Variants in PREX2 observed in about 807,000 individuals in gnomAD.
The protein encoded by PREX2 is phosphatidylinositol 3,4,5-trisphosphate-dependent Rac exchanger 2 protein.
In PREX2, 107 loss-of-function variants were observed where a neutral mutation model predicts 203.2. The ratio of observed to expected loss-of-function variants is 0.53; its 90% confidence interval spans 0.45 to 0.62. The LOEUF is 0.62. Ranked by LOEUF, PREX2 falls within the 20% of genes least tolerant of loss-of-function variation. The pLI, the probability that PREX2 is intolerant of heterozygous loss-of-function variation, is 0.00. For synonymous variants in PREX2, 672 were observed against 663.6 expected, an observed-to-expected ratio of 1.01 and a Z score of -0.19; for missense variants, 1,777 against 1,955.9, an observed-to-expected ratio of 0.91 and a Z score of 1.72.
chr8:67,953,297 T>C (rs1805409140), intron 1 of PREX2, among the ~76,000 whole-genome samples: 1 of 151,350 alleles, frequency 6.6e-6, no homozygotes, highest in African/African-American at 2.4e-5. Flanking sequence ...TGTACTTATA[T>C]TCCACGTTTC....
At chr8:68,093,326 GT>G (rs1192600503) in intron 20 of PREX2, among the ~76,000 whole-genome samples, 1 of 146,198 alleles carries the variant, frequency 6.8e-6, no homozygotes, top group Admixed American at 7.1e-5. Context: ...GGAGGCGGAG[GT>G]TTTGGTGAGT....
In PREX2 at chr8:68,138,171, C is replaced by T. The variant is rs1188386472; in HGVS notation, c.3985-244C>T. 3.3e-5 allele frequency among the ~76,000 whole-genome samples: 5 copies of T among 152,152 alleles called. No individual in the cohort carries two copies. The East Asian group carries it at 7.7e-4, about 23-fold the overall frequency. On this transcript the variant is annotated intron_variant, in intron 32 of 39. Transcript: ENST00000288368. ...AATAGACTGAAAAATGTGTGTATAA[C>T]ATAACCATTTAAACAATAGAGAAAA...
chr8:68,214,249 A>G (rs760205792), intron 37 of PREX2, among the ~76,000 whole-genome samples: 35 of 152,214 alleles, frequency 2.3e-4, no homozygotes, highest in Non-Finnish European at 1.2e-4. Flanking sequence ...AAAATACAAA[A>G]GTTGGCTGCA....
chr8:67,980,138 C>T (rs907925437), intron 1 of PREX2, among the ~76,000 whole-genome samples: 2 of 152,164 alleles, frequency 1.3e-5, no homozygotes, highest in East Asian at 3.8e-4. Flanking sequence ...TACAAAGGCA[C>T]AGAGCTGAGA....
chr8:68,159,354 A>G lies in PREX2; in HGVS notation c.4346+1918A>G, dbSNP rs112931131. Among the ~76,000 whole-genome samples, 150 of 152,328 alleles carry G rather than the reference A, an allele frequency of 9.8e-4. 2 individuals carry two copies. The highest frequency in any genetic ancestry group is 3.3e-3 in the African/African-American group (136 of 41,592). On this transcript the variant is annotated intron_variant, in intron 35 of 39. Transcript: ENST00000288368. ...GTTTTAGTGTTATGATGCTTTGCCT[A>G]CTTATTTGCATAAAGTGCAAGAAGA...
intron 12 of PREX2, among the ~76,000 whole-genome samples, chr8:68,069,389 C>G (rs943702464): frequency 2.0e-5 from 3 of 150,698 alleles, no homozygotes; most frequent in African/African-American, 7.3e-5. Flanking sequence ...CATGGAAAAC[C>G]CTTTTACATG....
chr8:68,230,381 A>T (rs561297907), intron 39 of PREX2, among the ~76,000 whole-genome samples: 1 of 152,206 alleles, frequency 6.6e-6, no homozygotes. Flanking sequence ...TTTTGACATC[A>T]TTAGTCCAAG....
intron 28 of PREX2, 124 bp from the exon 29 acceptor site, chr8:68,120,072 A>C (rs1264175706): frequency 3.5e-6 from 2 of 574,026 alleles, no homozygotes; most frequent in Non-Finnish European, 6.1e-6. Flanking sequence ...TCGATTTCAC[A>C]AGCATCATGG....
intron 38 of PREX2, chr8:68,220,388 C>G (rs550741977): frequency 6.6e-6 from 1 of 152,276 alleles, no homozygotes; most frequent in African/African-American, 2.4e-5. Flanking sequence ...TTAAAGTTTT[C>G]TATGCCATAA....
chr8:68,162,578 T>C (rs895239335), intron 35 of PREX2, among the ~76,000 whole-genome samples: 4 of 152,160 alleles, frequency 2.6e-5, no homozygotes, highest in African/African-American at 9.6e-5. Context: ...AATATTTACA[T>C]GGCATCCAAA....
chr8:68,077,030 G>A (rs997846492), intron 14 of PREX2, among the ~76,000 whole-genome samples: 2 of 152,122 alleles, frequency 1.3e-5, no homozygotes, highest in Non-Finnish European at 2.9e-5. Flanking sequence ...TTTAATTAGA[G>A]TGTTGTCAAT....
chr8:68,151,470 A>T (rs1017469337), intron 34 of PREX2, among the ~76,000 whole-genome samples: 2 of 152,240 alleles, frequency 1.3e-5, no homozygotes, highest in African/African-American at 4.8e-5. Context: ...AGGGGTTAGG[A>T]CTTTGTCATC....
At chr8:67,969,930 C>T (rs967101949) in intron 1 of PREX2, among the ~76,000 whole-genome samples, 9 of 152,214 alleles carry the variant, frequency 5.9e-5, no homozygotes, top group Admixed American at 1.3e-4. Context: ...TTATGCCCAT[C>T]ATCTGAGTCT....
intron 6 of PREX2, among the ~76,000 whole-genome samples, chr8:68,034,482 T>C (rs371015578): frequency 2.6e-5 from 4 of 152,256 alleles, no homozygotes; most frequent in African/African-American, 9.6e-5. Flanking sequence ...CAGCTTTAAG[T>C]CCTTGATACG....
chr8:67,990,825 G>A (rs1806579144), intron 1 of PREX2, among the ~76,000 whole-genome samples: 1 of 152,102 alleles, frequency 6.6e-6, no homozygotes, highest in Admixed American at 6.6e-5. Flanking sequence ...AGGTGGTTTT[G>A]ATGTGCCGCC....
At chr8:68,224,742 T>G (rs935020283) in intron 39 of PREX2, 116 bp downstream of exon 39, 6 of 706,276 alleles carry the variant, frequency 8.5e-6, no homozygotes, top group Non-Finnish European at 1.5e-5. Flanking sequence ...CTGATTGTAA[T>G]TACGGAGATT....
chr8:68,076,465 A>T (rs1271049263), intron 14 of PREX2, among the ~76,000 whole-genome samples: 1 of 152,014 alleles, frequency 6.6e-6, no homozygotes, highest in African/African-American at 2.4e-5. Context: ...TTAAAAAAAA[A>T]ATAGCTTAAT....
At chr8:68,049,433 A>G (rs955139415) in intron 8 of PREX2, among the ~76,000 whole-genome samples, 1 of 151,982 alleles carries the variant, frequency 6.6e-6, no homozygotes, top group South Asian at 2.1e-4. Flanking sequence ...TTGAAATGCA[A>G]ATTTATTGAA....
intron 7 of PREX2, 36 bp downstream of exon 7, chr8:68,038,328 C>T (rs768378586): frequency 1.2e-6 from 2 of 1,606,528 alleles, no homozygotes; most frequent in Admixed American, 3.4e-5. Flanking sequence ...CAGAAGTGGT[C>T]ACAGTTTCTA....
Sources: gnomAD v4.1 joint callset for allele counts (sites outside exome capture counted in the v4.1 genomes callset) on GRCh38, gnomAD v4.1.1 for gene constraint, MANE v1.5 for transcripts, NCBI Gene and HGNC (gene_info 2026-07-23, HGNC 2026-07-21) for gene names.